TRPM3: variants seen among roughly 807,000 people sequenced by gnomAD.
The protein encoded by TRPM3 is long transient receptor potential channel 3.
A neutral mutation model predicts 181.2 loss-of-function variants in TRPM3; 77 were observed. The ratio of observed to expected loss-of-function variants is 0.42; its 90% CI spans 0.35 to 0.51. The LOEUF (loss-of-function observed/expected upper bound fraction) is 0.51, where lower values mean the gene tolerates loss of function less well. TRPM3 is among the 20% of genes least tolerant of loss of function. The probability of loss-of-function intolerance (pLI) is 0.01; values close to 1 mark genes in which losing one functional copy is unlikely to be tolerated. For missense variants in TRPM3, 1,759 were observed against 2,196.7 expected, an observed-to-expected ratio of 0.80 and a Z score of 3.98; for synonymous variants, 745 against 796.4, an observed-to-expected ratio of 0.94 and a Z score of 1.09.
chr9:70,838,280 A>G (rs2094440910), intron 5 of TRPM3, among the ~76,000 whole-genome samples: 1 of 152,136 alleles, frequency 6.6e-6, no homozygotes, highest in Non-Finnish European at 1.5e-5. Context: ...CCAAATTTAT[A>G]TGTTGAAATT....
intron 1 of TRPM3, among the ~76,000 whole-genome samples, chr9:70,990,591 C>T (rs1453276067): frequency 2.0e-5 from 3 of 152,070 alleles, no homozygotes; most frequent in Non-Finnish European, 4.4e-5. Flanking sequence ...TGAAGGAAGG[C>T]AAAATTCACT....
intron 9 of TRPM3, among the ~76,000 whole-genome samples, chr9:70,677,777 G>A (rs2064383616): frequency 6.6e-6 from 1 of 152,142 alleles, no homozygotes; most frequent in Non-Finnish European, 1.5e-5. Context: ...TTGTTAATAT[G>A]CCTTTGTTAC....
At position 71,090,392 on chromosome 9, in the gene TRPM3, G is replaced by A. The variant is rs543010254; in HGVS notation, c.177+30786C>T. ...CTACTATGCAAGAAAACATAATTCC[G>A]TATCTTTAAGCTAGTTCTCACAAGC... On this transcript the variant is annotated intron_variant, in intron 1 of 25. Coordinates refer to ENST00000677713, the MANE Select transcript of TRPM3 (RefSeq NM_001366145.2). Among the ~76,000 whole-genome samples the A allele has an allele frequency of 9.8e-4, 149 of 152,226 alleles. 1 individual carries two copies. The highest frequency in any genetic ancestry group is 3.3e-3 in the African/African-American group (138 of 41,548).
intron 1 of TRPM3, among the ~76,000 whole-genome samples, chr9:71,008,777 G>A (rs538339469): frequency 5.3e-5 from 8 of 152,268 alleles, no homozygotes; most frequent in South Asian, 4.2e-4. Flanking sequence ...CCCAGGAGGC[G>A]GAGGTTGCAG....
chr9:71,070,986 G>A (rs12554974), intron 1 of TRPM3, among the ~76,000 whole-genome samples: 7,909 of 152,256 alleles, frequency 0.052, 294 homozygotes, highest in East Asian at 0.1. Flanking sequence ...AAAATGGAAT[G>A]AGTCCAATGG....
intron 1 of TRPM3, among the ~76,000 whole-genome samples, chr9:71,217,063 G>T (rs2079928824): frequency 6.9e-6 from 1 of 144,930 alleles, no homozygotes; most frequent in Non-Finnish European, 1.5e-5. Context: ...CCATTCTCCT[G>T]CCTCAGCCTC....
At chr9:70,966,007 A>G (rs1214740175) in intron 1 of TRPM3, among the ~76,000 whole-genome samples, 2 of 151,592 alleles carry the variant, frequency 1.3e-5, no homozygotes, top group African/African-American at 4.9e-5. Context: ...AAGGTCTAAT[A>G]TCCAGCATCT....
chr9:71,196,179 G>GTGTGTA (rs2078345204), intron 1 of TRPM3, among the ~76,000 whole-genome samples: 1 of 151,652 alleles, frequency 6.6e-6, no homozygotes, highest in African/African-American at 2.4e-5. Flanking sequence ...GTGTGTGTGT[G>GTGTGTA]TGTGTGTGTG....
intron 8 of TRPM3, among the ~76,000 whole-genome samples, chr9:70,699,270 G>T (rs972151392): frequency 2.6e-5 from 4 of 152,154 alleles, no homozygotes; most frequent in Non-Finnish European, 4.4e-5. Flanking sequence ...GTCATTTCTG[G>T]CTGGGATGAC....
At chr9:70,970,364 CA>C (rs2097230495) in intron 1 of TRPM3, among the ~76,000 whole-genome samples, 1 of 152,066 alleles carries the variant, frequency 6.6e-6, no homozygotes, top group Non-Finnish European at 1.5e-5. Context: ...CATTCAAAAA[CA>C]AAAAGCAAAT....
chr9:71,099,714 A>G (rs905239382), intron 1 of TRPM3, among the ~76,000 whole-genome samples: 1 of 152,184 alleles, frequency 6.6e-6, no homozygotes, highest in Non-Finnish European at 1.5e-5. Flanking sequence ...TCCATTCTAT[A>G]CTTGTGTTAT....
At chr9:70,690,284 T>G (rs1216436826) in intron 8 of TRPM3, among the ~76,000 whole-genome samples, 3 of 152,184 alleles carry the variant, frequency 2.0e-5, no homozygotes, top group Non-Finnish European at 1.5e-5. Context: ...AGCTATACGA[T>G]AGATAATCAA....
intron 9 of TRPM3, among the ~76,000 whole-genome samples, chr9:70,650,525 T>C (rs1349985866): frequency 1.3e-5 from 2 of 152,202 alleles, no homozygotes; most frequent in African/African-American, 4.8e-5. Flanking sequence ...TTAATATTTT[T>C]TAAAAATGAA....
At position 71,392,164 on chromosome 9, in the gene TRPM3, C is replaced by A. The variant is rs558811043; in HGVS notation, c.183+54489G>T. 2.0e-5 allele frequency among the ~76,000 whole-genome samples: 3 copies of A among 152,042 alleles called. No homozygotes were observed. In the South Asian group the frequency reaches 6.2e-4, roughly 32 times the overall value. On this transcript the variant is annotated intron_variant, in intron 1 of 24. Coordinates refer to the TRPM3 transcript ENST00000357533. ...TGTGGTGAAATAGAGTGTGCTTGCC[C>A]CACATTTAGGCATTCAAATTTAATT...
intron 1 of TRPM3, among the ~76,000 whole-genome samples, chr9:71,241,833 A>T (rs1406883367): frequency 6.6e-6 from 1 of 152,232 alleles, no homozygotes; most frequent in African/African-American, 2.4e-5. Flanking sequence ...TTACAATGAA[A>T]GGTTTAAGAG....
chr9:71,185,238 C>A (rs1269129844), intron 1 of TRPM3, among the ~76,000 whole-genome samples: 2 of 152,064 alleles, frequency 1.3e-5, no homozygotes, highest in Non-Finnish European at 2.9e-5. Context: ...GGAAAAAAAT[C>A]AGTTCAGAGC....
At chr9:70,798,641 G>A (rs2087921432) in intron 6 of TRPM3, among the ~76,000 whole-genome samples, 2 of 152,156 alleles carry the variant, frequency 1.3e-5, no homozygotes, top group South Asian at 4.1e-4. Flanking sequence ...TCAAAAGGTA[G>A]TTTAAATACA....
chr9:71,256,420 A>T (rs1393292168), intron 1 of TRPM3, among the ~76,000 whole-genome samples: 1 of 152,150 alleles, frequency 6.6e-6, no homozygotes, highest in Non-Finnish European at 1.5e-5. Context: ...AACATTGATG[A>T]TAAAGGATCC....
intron 1 of TRPM3, among the ~76,000 whole-genome samples, chr9:71,068,965 T>A (rs923418772): frequency 1.3e-5 from 2 of 152,132 alleles, no homozygotes; most frequent in Non-Finnish European, 2.9e-5. Flanking sequence ...CTATAGAAAG[T>A]CTCAGAGCTT....
Sources: allele counts gnomAD v4.1 joint callset (sites outside exome capture counted in the v4.1 genomes callset), GRCh38; gene constraint gnomAD v4.1.1; transcripts MANE v1.5; gene names NCBI Gene and HGNC (gene_info 2026-07-23, HGNC 2026-07-21).